Variants in SPEF2 observed in about 807,000 individuals in gnomAD.
The protein encoded by SPEF2 is sperm flagellar and cilia associated 2.
Under a neutral mutation model 224.6 loss-of-function variants are expected in SPEF2, and 187 were observed. The observed-to-expected ratio is 0.83, with a 90% CI of 0.74 to 0.94. The LOEUF is 0.94. Among genes scored for constraint, SPEF2 ranks in the 40% least tolerant of loss-of-function variants. The pLI is 0.00. For synonymous variants in SPEF2, 715 were observed against 707.3 expected (o/e 1.01, Z -0.17); for missense variants, 2,170 against 2,135.6 (o/e 1.02, Z -0.32).
chr5:35,771,342 G>A (rs570776132), intron 26 of SPEF2, among the ~76,000 whole-genome samples: 23 of 152,270 alleles, frequency 1.5e-4, no homozygotes, highest in African/African-American at 5.3e-4. Flanking sequence ...AGGTGGCAGT[G>A]AGGAAACGTA....
chr5:35,692,448 A>G, intron 11 of SPEF2, 122 bp from the exon 12 acceptor site: 1 of 712,376 alleles, frequency 1.4e-6, no homozygotes, highest in Non-Finnish European at 2.3e-6. Flanking sequence ...AAGAAACTTG[A>G]TCCAAAAGAC....
At chr5:35,760,914 A>T (rs1751197231) in intron 25 of SPEF2, among the ~76,000 whole-genome samples, 1 of 152,186 alleles carries the variant, frequency 6.6e-6, no homozygotes, top group Admixed American at 6.5e-5. Flanking sequence ...GAACTAAATA[A>T]AGTATAGTGA....
intron 10 of SPEF2, chr5:35,675,863 G>A (rs753842251): frequency 3.3e-5 from 15 of 454,042 alleles, no homozygotes; most frequent in Admixed American, 4.7e-5. Flanking sequence ...TTTTCTAATT[G>A]TTGTAGGCCA....
intron 34 of SPEF2, among the ~76,000 whole-genome samples, chr5:35,803,169 G>A (rs773408292): frequency 6.6e-6 from 1 of 152,202 alleles, no homozygotes; most frequent in East Asian, 1.9e-4. Flanking sequence ...CCATGGTAGA[G>A]AGGAGGAAAG....
chr5:35,745,643 C>A (rs1386931886), intron 23 of SPEF2, among the ~76,000 whole-genome samples: 3 of 152,170 alleles, frequency 2.0e-5, no homozygotes, highest in Non-Finnish European at 4.4e-5. Context: ...ATCTCACCCC[C>A]AACCCCGACA....
intron 3 of SPEF2, 181 bp downstream of exon 3, chr5:35,641,864 GTCTC>G: frequency 1.7e-6 from 1 of 589,554 alleles, no homozygotes; most frequent in Non-Finnish European, 2.8e-6. Context: ...CATTTTTGAT[GTCTC>G]TCTCTATCCT....
At chr5:35,767,788 G>C (rs1392349871) in intron 26 of SPEF2, among the ~76,000 whole-genome samples, 1 of 151,984 alleles carries the variant, frequency 6.6e-6, no homozygotes, top group African/African-American at 2.4e-5. Flanking sequence ...TGTGTATAAG[G>C]ATACTAAAAT....
intron 10 of SPEF2, among the ~76,000 whole-genome samples, chr5:35,684,724 A>G (rs1349751333): frequency 1.3e-5 from 2 of 152,204 alleles, no homozygotes; most frequent in African/African-American, 4.8e-5. Flanking sequence ...GGTGCAAAGC[A>G]AGCAAGTAGC....
chr5:35,636,655 T>C (rs986587993), intron 2 of SPEF2, among the ~76,000 whole-genome samples: 1 of 152,070 alleles, frequency 6.6e-6, no homozygotes, highest in African/African-American at 2.4e-5. Context: ...AATGGGGATT[T>C]TCACAACACT....
chr5:35,778,549 T>G (rs1753916218), intron 29 of SPEF2, among the ~76,000 whole-genome samples: 1 of 152,176 alleles, frequency 6.6e-6, no homozygotes, highest in African/African-American at 2.4e-5. Context: ...TTCATGAAGA[T>G]AGCAAAGCAA....
At chr5:35,752,770 G>A (rs191097111) in intron 23 of SPEF2, among the ~76,000 whole-genome samples, 34 of 42,806 alleles carry the variant, frequency 7.9e-4, no homozygotes, top group Admixed American at 1.8e-3. Flanking sequence ...CTGTGACTCA[G>A]TTTCCTCAAT....
chr5:35,796,439 G>C lies in SPEF2; in HGVS notation c.4830+644G>C, dbSNP rs573946781. ...ATCCTGGCTAACACGGTGAAACCCC[G>C]TCTCTACTAAAAATACAAAAAAATT... is the stretch of plus-strand genomic sequence containing the variant. On this transcript the variant is annotated intron_variant, in intron 33 of 36. Transcript: ENST00000356031. 4.2e-5 allele frequency among the ~76,000 whole-genome samples: 5 copies of C among 117,792 alleles called. No homozygotes were observed. In the South Asian group the frequency reaches 1.7e-3, roughly 40 times the overall value. 77.3% of individuals were successfully genotyped at this position (117,792 alleles called of 152,430 possible).
intron 24 of SPEF2, among the ~76,000 whole-genome samples, chr5:35,757,638 C>A (rs1561315770): frequency 6.6e-6 from 1 of 152,022 alleles, no homozygotes; most frequent in Non-Finnish European, 1.5e-5. Context: ...CTCTGTTTTA[C>A]CAAACCTAAG....
At chr5:35,660,078 C>T (rs1294556407) in intron 8 of SPEF2, among the ~76,000 whole-genome samples, 1 of 152,034 alleles carries the variant, frequency 6.6e-6, no homozygotes, top group Non-Finnish European at 1.5e-5. Flanking sequence ...GGCCCTTTTA[C>T]AACTCTGAAA....
intron 10 of SPEF2, among the ~76,000 whole-genome samples, chr5:35,680,730 C>G (rs1403309988): frequency 6.6e-6 from 1 of 152,082 alleles, no homozygotes; most frequent in Non-Finnish European, 1.5e-5. Flanking sequence ...GAGTAGACAT[C>G]AGTTGATTTA....
chr5:35,628,479 G>A lies in SPEF2; in HGVS notation c.78G>A (p.Lys26=). 3.7e-6 allele frequency: 6 copies of A among 1,613,648 alleles called. No homozygotes were observed. The highest frequency in any genetic ancestry group is 4.2e-6 in the Non-Finnish European group (5 of 1,179,684). Reference sequence around the variant, plus strand: ...ACTCAGGTCCCAAGTCATTTGCAAAGGCATTTTCCAGTGGCTATCTACTTG... The same window carrying A: ...ACTCAGGTCCCAAGTCATTTGCAAAAGCATTTTCCAGTGGCTATCTACTTG... ...SRTVSPKSFA[K]AFSSGYLLGE... Residue 26 remains lysine (K), a synonymous_variant, in exon 2 of 37, where the codon AAG becomes AAA. Transcript: ENST00000356031.
chr5:35,814,471 A>C lies in SPEF2; in HGVS notation c.5387A>C (p.Lys1796Thr). ...NYSDYKFPDI[K>T]IILQRSEHVQ... ...TTGAATCTTTTGTCTTAGGATATTA[A>C]AATAATTCTCCAAAGGAGTGAACAT... Residue 1796 changes from lysine to threonine, a missense_variant, in exon 37 of 37, where the codon AAA (lysine) becomes ACA (threonine). Lys to Thr is a moderately conservative substitution (Grantham distance 78, BLOSUM62 -1). Coordinates refer to ENST00000356031, the MANE Select transcript of SPEF2 (RefSeq NM_024867.4). 6.3e-7 allele frequency: 1 copy of C among 1,594,304 alleles called. No homozygotes were observed. The highest frequency in any genetic ancestry group is 8.6e-7 in the Non-Finnish European group (1 of 1,166,942).
At chr5:35,766,078 G>A (rs2149767518) in intron 26 of SPEF2, among the ~76,000 whole-genome samples, 1 of 152,162 alleles carries the variant, frequency 6.6e-6, no homozygotes, top group East Asian at 1.9e-4. Flanking sequence ...ATGAAAGTGA[G>A]TGAGTTCTGT....
chr5:35,779,391 G>A (rs536174209), intron 30 of SPEF2, 45 bp downstream of exon 30: 1 of 1,450,574 alleles, frequency 6.9e-7, no homozygotes, highest in African/African-American at 1.4e-5. Flanking sequence ...AAAAGGTTAA[G>A]ATTAACCAGG....
Sources: gnomAD v4.1 joint callset for allele counts (sites outside exome capture counted in the v4.1 genomes callset) on GRCh38, gnomAD v4.1.1 for gene constraint, MANE v1.5 for transcripts, NCBI Gene and HGNC (gene_info 2026-07-23, HGNC 2026-07-21) for gene names.